GRHL2: variants seen among roughly 807,000 people sequenced by gnomAD.
GRHL2 encodes the protein grainyhead-like protein 2 homolog.
Under a neutral mutation model 83.8 loss-of-function variants are expected in GRHL2, and 21 were observed. The ratio of observed to expected loss-of-function variants is 0.25; its 90% CI spans 0.18 to 0.36. GRHL2 has a LOEUF of 0.36. Ranked by LOEUF, GRHL2 falls within the 10% of genes least tolerant of loss-of-function variation. The pLI, the probability that GRHL2 is intolerant of heterozygous loss-of-function variation, is 1.00. For synonymous variants in GRHL2, 280 were observed against 278.9 expected, an observed-to-expected ratio of 1.00 and a Z score of -0.04; for missense variants, 623 against 781.8, an observed-to-expected ratio of 0.80 and a Z score of 2.42.
intron 14 of GRHL2, among the ~76,000 whole-genome samples, chr8:101,659,857 C>A (rs992691481): frequency 6.6e-6 from 1 of 152,152 alleles, no homozygotes; most frequent in Non-Finnish European, 1.5e-5. Flanking sequence ...TTCAAGGAAA[C>A]TTTCTAGTGT....
chr8:101,647,755 T>TC, intron 13 of GRHL2, among the ~76,000 whole-genome samples: 2 of 149,632 alleles, frequency 1.3e-5, no homozygotes, highest in East Asian at 2.0e-4. Flanking sequence ...TTTTTCTTTT[T>TC]TTTTCATACA....
At chr8:101,554,902 TAGCTTCAAA>T (rs1811460395) in intron 3 of GRHL2, among the ~76,000 whole-genome samples, 2 of 152,362 alleles carry the variant, frequency 1.3e-5, no homozygotes, top group South Asian at 4.1e-4. Context: ...TCTCTGGTAT[TAGCTTCAAA>T]AGCTAAAACT....
At chr8:101,599,251 A>G (rs879023087) in intron 8 of GRHL2, 100 bp downstream of exon 8, 1 of 811,258 alleles carries the variant, frequency 1.2e-6, no homozygotes, top group Non-Finnish European at 2.1e-6. Context: ...CCTATTAAAA[A>G]GAAATGAACC....
chr8:101,608,735 T>TCACACACACA (rs72332231), intron 8 of GRHL2, among the ~76,000 whole-genome samples: 3 of 144,656 alleles, frequency 2.1e-5, no homozygotes, highest in East Asian at 4.0e-4. Flanking sequence ...GCTCACTCTC[T>TCACACACACA]CACACACACA....
At chr8:101,647,629 A>G (rs1172776141) in intron 13 of GRHL2, among the ~76,000 whole-genome samples, 9 of 152,248 alleles carry the variant, frequency 5.9e-5, no homozygotes, top group Admixed American at 3.9e-4. Flanking sequence ...TATTCCTTCC[A>G]AAGAACTAAA....
chr8:101,680,784 G>A, the GRHL2 span, among the ~76,000 whole-genome samples: 1 of 127,070 alleles, frequency 7.9e-6, no homozygotes, highest in Non-Finnish European at 1.6e-5. Context: ...ACTCAAAGCC[G>A]CTCAACTACA....
At chr8:101,538,999 C>T (rs1811099419) in intron 1 of GRHL2, among the ~76,000 whole-genome samples, 1 of 152,126 alleles carries the variant, frequency 6.6e-6, no homozygotes, top group Non-Finnish European at 1.5e-5. Context: ...GCTGATGGCG[C>T]TCTTAAATTT....
the GRHL2 span, among the ~76,000 whole-genome samples, chr8:101,680,905 T>C: frequency 8.0e-6 from 1 of 124,748 alleles, no homozygotes; most frequent in Non-Finnish European, 1.7e-5. Context: ...CATACCAGAA[T>C]CTCTGGGACG....
chr8:101,609,992 ATTC>A (rs928345057), intron 8 of GRHL2, among the ~76,000 whole-genome samples: 3 of 150,722 alleles, frequency 2.0e-5, no homozygotes, highest in Non-Finnish European at 4.4e-5. Context: ...CTGTACTTAA[ATTC>A]TTCTTCTGCC....
intron 7 of GRHL2, among the ~76,000 whole-genome samples, chr8:101,582,107 G>A (rs1351402068): frequency 3.9e-5 from 6 of 152,098 alleles, no homozygotes; most frequent in African/African-American, 9.6e-5. Context: ...ACGTGGTGGC[G>A]GGCACCTACA....
chr8:101,679,784 GA>G, the GRHL2 span, among the ~76,000 whole-genome samples: 1 of 148,866 alleles, frequency 6.7e-6, no homozygotes, highest in East Asian at 1.9e-4. Flanking sequence ...CATTCTTAAA[GA>G]AAAGAATTTT....
intron 2 of GRHL2, among the ~76,000 whole-genome samples, chr8:101,546,774 A>C (rs1811274072): frequency 6.6e-6 from 1 of 152,214 alleles, no homozygotes; most frequent in Non-Finnish European, 1.5e-5. Flanking sequence ...AGGATAATTA[A>C]GTATTAGTAA....
intron 3 of GRHL2, 101 bp downstream of exon 3, chr8:101,552,883 G>C: frequency 3.7e-6 from 4 of 1,077,056 alleles, no homozygotes; most frequent in Non-Finnish European, 4.2e-6. Context: ...GGGTCAAGAA[G>C]CTTAGCATCA....
intron 1 of GRHL2, among the ~76,000 whole-genome samples, chr8:101,500,665 T>C (rs933586673): frequency 1.3e-5 from 2 of 152,126 alleles, no homozygotes; most frequent in African/African-American, 4.8e-5. Context: ...TGCGCCACTA[T>C]GCCCGGCTAA....
chr8:101,539,642 A>G (rs952047870), intron 1 of GRHL2, among the ~76,000 whole-genome samples: 1 of 152,248 alleles, frequency 6.6e-6, no homozygotes, highest in African/African-American at 2.4e-5. Flanking sequence ...TAGATTAAAT[A>G]TGTAAATTTT....
chr8:101,552,567 C>A, intron 2 of GRHL2, 148 bp from the exon 3 acceptor site: 1 of 721,884 alleles, frequency 1.4e-6, no homozygotes, highest in Non-Finnish European at 2.5e-6. Context: ...AGGCTACTAG[C>A]CTTTATCATC....
Position 101,631,664 on chromosome 8 carries a change from G to C in GRHL2, c.1285G>C (p.Glu429Gln). The change falls in exon 10 of 16, where the codon GAG becomes CAG. Residue 429 changes from glutamate to glutamine, a missense_variant. Around this residue, in one of 8 missense-constraint regions of GRHL2, gnomAD observed 210 missense variants for 254.8 expected, o/e 0.82. Transcript: ENST00000646743. ...KGAERKIRDE[E>Q]RKQNRKKGKG... ...AGCAGAAAGAAAAATCCGAGATGAAGAGCGGAAGCAGAACAGGAAGAAAGG... is the reference window on the plus strand; with the variant it reads ...AGCAGAAAGAAAAATCCGAGATGAACAGCGGAAGCAGAACAGGAAGAAAGG... The C allele has an allele frequency of 2.5e-6, 4 of 1,613,672 alleles. No individual in the cohort carries two copies. Among genetic ancestry groups the C allele is most frequent in the Middle Eastern group, 3.3e-4 (2 of 6,056 alleles).
chr8:101,535,431 C>A (rs1014282486), intron 1 of GRHL2, among the ~76,000 whole-genome samples: 2 of 152,168 alleles, frequency 1.3e-5, no homozygotes, highest in African/African-American at 4.8e-5. Flanking sequence ...AGGACAAAGG[C>A]CAGTGACTGT....
chr8:101,675,499 C>A, the GRHL2 span, among the ~76,000 whole-genome samples: 2 of 151,918 alleles, frequency 1.3e-5, no homozygotes, highest in Non-Finnish European at 2.9e-5. Context: ...ATCCAACTTA[C>A]AAGGGATGTG....
Sources: allele counts gnomAD v4.1 joint callset (sites outside exome capture counted in the v4.1 genomes callset), GRCh38; gene constraint gnomAD v4.1.1; regional missense constraint gnomAD v4.1.1; transcripts MANE v1.5; gene names NCBI Gene and HGNC (gene_info 2026-07-23, HGNC 2026-07-21).